Variants in TNRC6B observed in about 807,000 individuals in gnomAD.
TNRC6B encodes trinucleotide repeat-containing gene 6B protein.
A neutral mutation model predicts 203.6 loss-of-function variants in TNRC6B; 52 were observed. The observed-to-expected ratio is 0.26, with a 90% CI of 0.20 to 0.32. TNRC6B has a LOEUF of 0.32. Among genes scored for constraint, TNRC6B ranks in the 10% least tolerant of loss-of-function variants. TNRC6B has a pLI of 1.00. For synonymous variants in TNRC6B, 838 were observed against 845.7 expected, an observed-to-expected ratio of 0.99 and a Z score of 0.16; for missense variants, 1,923 against 2,286.2, an observed-to-expected ratio of 0.84 and a Z score of 3.24.
chr22:40,210,034 AG>A (rs2069540085), intron 1 of TNRC6B, among the ~76,000 whole-genome samples: 1 of 134,092 alleles, frequency 7.5e-6, no homozygotes, highest in African/African-American at 2.9e-5. Flanking sequence ...AAAAAAAAAG[AG>A]AGAATGCAGA....
chr22:40,221,683 C>T (rs2069709896), intron 1 of TNRC6B, among the ~76,000 whole-genome samples: 2 of 151,916 alleles, frequency 1.3e-5, no homozygotes, highest in African/African-American at 4.8e-5. Flanking sequence ...AAGTGATCCT[C>T]CTGCCTTGGC....
intron 21 of TNRC6B, among the ~76,000 whole-genome samples, chr22:40,318,745 AG>A (rs2071293564): frequency 6.6e-6 from 1 of 152,184 alleles, no homozygotes; most frequent in African/African-American, 2.4e-5. Flanking sequence ...AAGCCTGGGC[AG>A]GCCAATCGGC....
intron 3 of TNRC6B, among the ~76,000 whole-genome samples, chr22:40,260,087 A>ACG (rs1008333554): frequency 2.6e-5 from 4 of 152,116 alleles, no homozygotes; most frequent in African/African-American, 9.7e-5. Flanking sequence ...CGACATTCCC[A>ACG]CGCTGTGTGC....
In TNRC6B at chr22:40,332,357, G is replaced by A. The variant is rs1198867425; in HGVS notation, c.*9116G>A. The A allele has an allele frequency of 6.6e-6, 1 of 152,584 alleles. No individual in the cohort carries two copies. The highest frequency in any genetic ancestry group is 2.4e-5 in the African/African-American group (1 of 41,426). 9.5% of individuals were successfully genotyped at this position (152,584 alleles called of 1,614,324 possible). A position where few individuals can be genotyped will look rare whatever the true frequency, so the allele number is the denominator to read the frequency against. On this transcript the variant is annotated 3_prime_UTR_variant, in exon 23 of 23. Coordinates refer to ENST00000454349, the MANE Select transcript of TNRC6B (RefSeq NM_001162501.2). Reference sequence around the variant, plus strand: ...TTGGCAGGCTGTATGAAGCCAATGAGCTGCGAGGTGTTTTGACAGGGGAGG... The same window carrying A: ...TTGGCAGGCTGTATGAAGCCAATGAACTGCGAGGTGTTTTGACAGGGGAGG...
At chr22:40,279,472 T>C (rs933861395) in intron 9 of TNRC6B, among the ~76,000 whole-genome samples, 5 of 152,244 alleles carry the variant, frequency 3.3e-5, no homozygotes, top group African/African-American at 1.2e-4. Flanking sequence ...GTAGGTAATG[T>C]GGACACATCT....
chr22:40,308,402 A>C (rs1455377245), intron 15 of TNRC6B, 110 bp from the exon 16 acceptor site: 1 of 1,266,070 alleles, frequency 7.9e-7, no homozygotes, highest in Non-Finnish European at 1.1e-6. Flanking sequence ...TGAGTGGAGA[A>C]ACTCTGTGAA....
chr22:40,183,973 G>A (rs1276918116), intron 1 of TNRC6B, among the ~76,000 whole-genome samples: 1 of 152,120 alleles, frequency 6.6e-6, no homozygotes, highest in Non-Finnish European at 1.5e-5. Context: ...GGGATTACAG[G>A]CATGAGCCAC....
intron 12 of TNRC6B, 61 bp downstream of exon 12, chr22:40,285,831 G>A: frequency 1.9e-6 from 3 of 1,576,962 alleles, no homozygotes; most frequent in Non-Finnish European, 2.6e-6. Context: ...ATTACCAGTT[G>A]TTAACTGATT....
rs372091848 is a variant in TNRC6B at position 40,327,352 on chromosome 22, C to T, written c.*4111C>T. ...GAATTTAAAATAAATAAACAAACGT[C>T]AAGCAAGTTAATATGCTTATGTCTC... is the stretch of plus-strand genomic sequence containing the variant. On this transcript the variant is annotated 3_prime_UTR_variant, in exon 23 of 23. Transcript: ENST00000454349. The T allele has an allele frequency of 6.5e-6, 1 of 152,674 alleles. No homozygotes were observed. The highest frequency in any genetic ancestry group is 1.5e-5 in the Non-Finnish European group (1 of 68,066). The allele number at this position is 152,674 out of a possible 1,614,324, so 9.5% of individuals were successfully genotyped here.
rs183793289 is a variant in TNRC6B at position 40,219,455 on chromosome 22, C to A, written c.6-26560C>A. Among the ~76,000 whole-genome samples, 381 of 152,232 alleles carry A rather than the reference C, an allele frequency of 2.5e-3. 2 individuals are homozygous for A. The highest frequency in any genetic ancestry group is 8.0e-3 in the African/African-American group (333 of 41,542). ...GGAGGCCAGCAGGAGGGTGGAAGTT[C>A]TTTGATTGCAGCCCAAGGAAAGGAT... On this transcript the variant is annotated intron_variant, in intron 1 of 22. Transcript: ENST00000454349.
chr22:40,114,240 G>T (rs1269955169), intron 1 of TNRC6B, among the ~76,000 whole-genome samples: 1 of 152,120 alleles, frequency 6.6e-6, no homozygotes, highest in African/African-American at 2.4e-5. Flanking sequence ...CTTTCAACTT[G>T]CCATATTCTC....
intron 1 of TNRC6B, among the ~76,000 whole-genome samples, chr22:40,100,389 T>TG (rs1234211943): frequency 1.4e-5 from 2 of 140,512 alleles, no homozygotes; most frequent in Non-Finnish European, 3.3e-5. Flanking sequence ...GCGCCTGGCC[T>TG]ATTTTTTAGA....
rs1569050573 is a variant in TNRC6B, at chr22:40,277,166, T to G, written c.3216+15T>G. On this transcript the variant is annotated intron_variant, in intron 8 of 22. Transcript: ENST00000454349. ...TGGGATTGCTGGTAAGTTTTATTTT[T>G]TTCAAATGTATAACGTATCCCAACT... 1 of 1,597,696 alleles carries G rather than the reference T, an allele frequency of 6.3e-7. No individual in the cohort carries two copies. Among genetic ancestry groups the G allele is most frequent in the South Asian group, 1.1e-5 (1 of 87,496 alleles).
At chr22:40,268,481 G>C (rs1237506129) in intron 5 of TNRC6B, among the ~76,000 whole-genome samples, 1 of 152,088 alleles carries the variant, frequency 6.6e-6, no homozygotes, top group South Asian at 2.1e-4. Context: ...CTTTTTTCAA[G>C]TATTGAAAAG....
intron 12 of TNRC6B, among the ~76,000 whole-genome samples, chr22:40,286,366 G>A (rs1045345542): frequency 3.3e-5 from 5 of 152,176 alleles, no homozygotes; most frequent in African/African-American, 1.2e-4. Context: ...AATTAGCTGG[G>A]CATGGTGGCA....
chr22:40,078,654 A>T (rs1211472375), intron 1 of TNRC6B, among the ~76,000 whole-genome samples: 1 of 151,920 alleles, frequency 6.6e-6, no homozygotes, highest in African/African-American at 2.4e-5. Flanking sequence ...ATAAGGTGGC[A>T]CGATCTCAGC....
intron 11 of TNRC6B, among the ~76,000 whole-genome samples, chr22:40,282,118 C>T (rs1458247384): frequency 2.6e-5 from 4 of 152,204 alleles, no homozygotes; most frequent in East Asian, 1.9e-4. Flanking sequence ...CACCTCAGGA[C>T]GTTGTGGGAG....
At chr22:40,125,557 C>G (rs934170038) in intron 2 of TNRC6B, among the ~76,000 whole-genome samples, 1 of 152,208 alleles carries the variant, frequency 6.6e-6, no homozygotes, top group African/African-American at 2.4e-5. Flanking sequence ...ATCTACCCTT[C>G]TCCCCCAAGA....
At position 40,265,835 on chromosome 22, in the gene TNRC6B, T is replaced by C; in HGVS notation, c.1605T>C (p.Thr535=). The C allele has an allele frequency of 6.2e-7, 1 of 1,613,992 alleles. No homozygotes were observed. Reference sequence around the variant, plus strand: ...GTCCAAACCAACCAAATTCTAGCACTGGAGCATGGGACAATCAAAAGGGCC... The same window carrying C: ...GTCCAAACCAACCAAATTCTAGCACCGGAGCATGGGACAATCAAAAGGGCC... The part of the protein sequence containing the change: ...WSGPNQPNSS[T]GAWDNQKGHP... The change falls in exon 5 of 23, where the codon ACT becomes ACC. Residue 535 remains threonine, a synonymous_variant. Coordinates refer to ENST00000454349, the MANE Select transcript of TNRC6B (RefSeq NM_001162501.2).
Sources: allele counts gnomAD v4.1 joint callset (sites outside exome capture counted in the v4.1 genomes callset), GRCh38; gene constraint gnomAD v4.1.1; transcripts MANE v1.5; gene names NCBI Gene and HGNC (gene_info 2026-07-23, HGNC 2026-07-21).